Variants in IFT122 observed in about 807,000 individuals in gnomAD.
The protein encoded by IFT122 is intraflagellar transport 122.
Under a neutral mutation model 161.6 loss-of-function variants are expected in IFT122, and 118 were observed. The ratio of observed to expected loss-of-function variants is 0.73; its 90% confidence interval spans 0.63 to 0.85. IFT122 has a LOEUF of 0.85. Among genes scored for constraint, IFT122 ranks in the 40% least tolerant of loss-of-function variants. The pLI is 0.00. For missense variants in IFT122, 1,381 were observed against 1,579.6 expected, an observed-to-expected ratio of 0.87 and a Z score of 2.13; for synonymous variants, 550 against 602.4, an observed-to-expected ratio of 0.91 and a Z score of 1.27.
chr3:129,474,004 C>T (rs2077641926), intron 9 of IFT122, among the ~76,000 whole-genome samples: 1 of 152,192 alleles, frequency 6.6e-6, no homozygotes, highest in African/African-American at 2.4e-5. Flanking sequence ...TGTCGTGATT[C>T]ATAAGAATTT....
intron 3 of IFT122, chr3:129,452,239 C>G: frequency 4.1e-6 from 2 of 482,200 alleles, no homozygotes; most frequent in South Asian, 2.1e-5. Context: ...GGTGGTCCCT[C>G]CCCTTATGGG....
chr3:129,506,539 T>TA lies in IFT122; in HGVS notation c.2782dup (p.Ile928AsnfsTer45). 1 of 1,614,210 alleles carries TA rather than the reference T, an allele frequency of 6.2e-7. No homozygotes were observed. Among genetic ancestry groups the TA allele is most frequent in the Non-Finnish European group, 8.5e-7 (1 of 1,180,034 alleles). ...GGATGCTGTCCATGCAGTGCCTCGA[T>TA]ATAGCTCAAGGTGTGTAAACATCAG... On this transcript the variant is annotated frameshift_variant, in exon 22 of 30. Transcript: ENST00000348417. LOFTEE classifies it high-confidence loss of function.
intron 25 of IFT122, 106 bp downstream of exon 25, chr3:129,514,660 C>T (rs2083257013): frequency 7.7e-7 from 1 of 1,301,842 alleles, no homozygotes; most frequent in Non-Finnish European, 1.1e-6. Context: ...AGCTGCAGCT[C>T]CCTCTAGGCT....
In IFT122 at chr3:129,440,350, GGA is replaced by G; in HGVS notation, c.25_26del (p.Asp9Ter). On this transcript the variant is annotated frameshift_variant, in exon 1 of 30. Transcript: ENST00000348417. LOFTEE classifies it high-confidence loss of function. ...GCCGTGATGAGGGCCGTGTTGACGTGGAGAGATAAAGCCGAGCACTGGTGAGG... is the reference window on the plus strand; with the variant it reads ...GCCGTGATGAGGGCCGTGTTGACGTGGAGATAAAGCCGAGCACTGGTGAGG... The G allele has an allele frequency of 6.4e-7, 1 of 1,550,918 alleles. No individual in the cohort carries two copies. The highest frequency in any genetic ancestry group is 8.7e-7 in the Non-Finnish European group (1 of 1,146,842).
At chr3:129,506,798 T>C (rs908012416) in intron 22 of IFT122, among the ~76,000 whole-genome samples, 13 of 152,310 alleles carry the variant, frequency 8.5e-5, no homozygotes, top group African/African-American at 3.1e-4. Flanking sequence ...TCAGAGCATA[T>C]CTCTCCCCTG....
intron 23 of IFT122, among the ~76,000 whole-genome samples, chr3:129,508,587 C>T (rs1388052705): frequency 6.6e-6 from 1 of 152,154 alleles, no homozygotes; most frequent in African/African-American, 2.4e-5. Flanking sequence ...TCAAACACAT[C>T]TTTATTAATT....
At chr3:129,443,328 G>A (rs886622621) in intron 1 of IFT122, among the ~76,000 whole-genome samples, 2 of 152,224 alleles carry the variant, frequency 1.3e-5, no homozygotes, top group African/African-American at 4.8e-5. Context: ...GGATTCCTCT[G>A]TATCTCTGCA....
intron 20 of IFT122, chr3:129,504,010 A>G (rs949962946): frequency 1.5e-5 from 6 of 387,748 alleles, no homozygotes; most frequent in Non-Finnish European, 3.0e-5. Context: ...ATCTGTTTGC[A>G]GCACTACAGG....
intron 12 of IFT122, among the ~76,000 whole-genome samples, chr3:129,479,490 G>A (rs2078376735): frequency 6.6e-6 from 1 of 152,100 alleles, no homozygotes; most frequent in South Asian, 2.1e-4. Flanking sequence ...GTTTAGGGTT[G>A]CTACAAATTA....
Position 129,507,665 on chromosome 3 carries a change from C to G in IFT122, c.2792-3C>G, listed in dbSNP as rs1371479459. The G allele has an allele frequency of 1.2e-6, 2 of 1,613,326 alleles. No homozygotes were observed. The highest frequency in any genetic ancestry group is 2.7e-5 in the African/African-American group (2 of 74,918). On this transcript the variant is annotated splice_polypyrimidine_tract_variant and splice_region_variant and intron_variant, in intron 22 of 29. Coordinates refer to ENST00000348417, the MANE Select transcript of IFT122 (RefSeq NM_052989.3). ...TTCCCCTCCCACCCGCTGCACACAG[C>G]AGATCCTGCCCAGAAGGACACAATG...
chr3:129,487,500 G>A (rs750150605), intron 15 of IFT122: 6 of 154,562 alleles, frequency 3.9e-5, no homozygotes, highest in African/African-American at 7.2e-5. Context: ...AAGAGAAGTC[G>A]TTAGGAACTA....
At chr3:129,444,193 T>C (rs2073659323) in intron 1 of IFT122, among the ~76,000 whole-genome samples, 1 of 152,062 alleles carries the variant, frequency 6.6e-6, no homozygotes, top group Non-Finnish European at 1.5e-5. Context: ...TGGCCCCACG[T>C]CCCCCCTACT....
At chr3:129,459,188 G>A in intron 4 of IFT122, 1 of 409,438 alleles carries the variant, frequency 2.4e-6, no homozygotes, top group Non-Finnish European at 4.8e-6. Flanking sequence ...CTCTTTCGAG[G>A]CATTTCTCAC....
chr3:129,491,019 G>A (rs1164769336), intron 16 of IFT122, among the ~76,000 whole-genome samples: 1 of 152,214 alleles, frequency 6.6e-6, no homozygotes, highest in African/African-American at 2.4e-5. Flanking sequence ...GTCATGATCT[G>A]TTTAATTGAC....
intron 21 of IFT122, among the ~76,000 whole-genome samples, chr3:129,505,821 C>G (rs1172051468): frequency 1.3e-5 from 2 of 152,172 alleles, no homozygotes; most frequent in East Asian, 3.8e-4. Flanking sequence ...TCAAAGTGGT[C>G]ATTGAAAAGC....
chr3:129,476,248 T>C, intron 9 of IFT122, 67 bp from the exon 10 acceptor site: 8 of 1,570,716 alleles, frequency 5.1e-6, no homozygotes, highest in Non-Finnish European at 7.0e-6. Context: ...AAAAAGCCCT[T>C]AATTGTATTG....
chr3:129,470,048 G>A (rs1338534015), intron 9 of IFT122, among the ~76,000 whole-genome samples: 1 of 152,026 alleles, frequency 6.6e-6, no homozygotes, highest in Non-Finnish European at 1.5e-5. Flanking sequence ...TTATCTTTGA[G>A]CAGGCCATCT....
chr3:129,491,413 T>A (rs2080073104), intron 16 of IFT122, among the ~76,000 whole-genome samples: 1 of 152,200 alleles, frequency 6.6e-6, no homozygotes. Context: ...CTGGGCAGAA[T>A]CTGAAAGCAG....
chr3:129,495,970 G>T (rs894991254), intron 18 of IFT122, among the ~76,000 whole-genome samples: 5 of 152,240 alleles, frequency 3.3e-5, no homozygotes, highest in African/African-American at 9.7e-5. Flanking sequence ...CCAAGAATCG[G>T]TGTCTTCAGG....
Sources: allele counts gnomAD v4.1 joint callset (sites outside exome capture counted in the v4.1 genomes callset), GRCh38; gene constraint gnomAD v4.1.1; transcripts MANE v1.5; gene names NCBI Gene and HGNC (gene_info 2026-07-23, HGNC 2026-07-21).